Variants in KCNIP4 observed in about 807,000 individuals in gnomAD.
KCNIP4 encodes the protein Kv channel-interacting protein 4.
Under a neutral mutation model 34.0 loss-of-function variants are expected in KCNIP4, and 12 were observed. The observed-to-expected ratio is 0.35, with a 90% CI of 0.23 to 0.57. The LOEUF is 0.57. KCNIP4 is among the 20% of genes least tolerant of loss of function. The pLI is 0.83. For synonymous variants in KCNIP4, 124 were observed against 102.2 expected (o/e 1.21, Z -1.29); for missense variants, 238 against 311.7 (o/e 0.76, Z 1.78).
At chr4:21,816,848 C>T (rs1722019190) in intron 1 of KCNIP4, among the ~76,000 whole-genome samples, 1 of 152,156 alleles carries the variant, frequency 6.6e-6, no homozygotes. Context: ...GATCTTGGTT[C>T]TGTCACCACC....
At chr4:21,436,790 CGGCT>C in intron 1 of KCNIP4, among the ~76,000 whole-genome samples, 1 of 152,248 alleles carries the variant, frequency 6.6e-6, no homozygotes, top group East Asian at 1.9e-4. Flanking sequence ...CAATAAATGT[CGGCT>C]GGTTTACTAC....
intron 8 of KCNIP4, chr4:20,731,769 GT>G: frequency 1.0e-6 from 1 of 985,386 alleles, no homozygotes; most frequent in Non-Finnish European, 1.2e-6. Flanking sequence ...CACAGTACAT[GT>G]ACAACTTTTG....
chr4:21,248,876 G>A (rs1045365215), intron 1 of KCNIP4, among the ~76,000 whole-genome samples: 1 of 152,140 alleles, frequency 6.6e-6, no homozygotes, highest in South Asian at 2.1e-4. Context: ...CCTATTAAAT[G>A]GTTGAGAGTG....
intron 1 of KCNIP4, among the ~76,000 whole-genome samples, chr4:21,344,978 A>T (rs542585910): frequency 3.7e-4 from 56 of 152,246 alleles, no homozygotes; most frequent in Non-Finnish European, 4.3e-4. Context: ...TTAAAGATAC[A>T]TCCATACTGT....
chr4:21,644,646 G>T, intron 1 of KCNIP4, among the ~76,000 whole-genome samples: 1 of 152,134 alleles, frequency 6.6e-6, no homozygotes, highest in East Asian at 1.9e-4. Flanking sequence ...GGGCATCTCA[G>T]AGTCCGCTGG....
chr4:21,292,832 AC>A (rs939630606), intron 1 of KCNIP4, among the ~76,000 whole-genome samples: 12 of 152,128 alleles, frequency 7.9e-5, no homozygotes, highest in African/African-American at 2.9e-4. Context: ...CTTTGCTGCA[AC>A]TAAAGCCAAC....
At chr4:21,871,250 CCTCCCCG>C (rs1305422997) in intron 1 of KCNIP4, among the ~76,000 whole-genome samples, 1 of 119,072 alleles carries the variant, frequency 8.4e-6, no homozygotes, top group Non-Finnish European at 1.8e-5. Context: ...CCCCCTCCCC[CCTCCCCG>C]CTCCCCACCT....
intron 1 of KCNIP4, among the ~76,000 whole-genome samples, chr4:21,575,982 G>C (rs1004531499): frequency 5.9e-5 from 9 of 152,142 alleles, no homozygotes; most frequent in Non-Finnish European, 1.0e-4. Flanking sequence ...ACTTGGAAGA[G>C]AGCCATTCAT....
At chr4:20,794,158 C>G (rs1713143978) in intron 3 of KCNIP4, among the ~76,000 whole-genome samples, 1 of 152,170 alleles carries the variant, frequency 6.6e-6, no homozygotes, top group Admixed American at 6.5e-5. Flanking sequence ...CCCATTAAAC[C>G]TCTTTTTCTT....
intron 1 of KCNIP4, among the ~76,000 whole-genome samples, chr4:21,928,209 T>G (rs1729379040): frequency 6.6e-6 from 1 of 151,836 alleles, no homozygotes; most frequent in African/African-American, 2.4e-5. Flanking sequence ...GGATCAGTGA[T>G]GAATTAAAGA....
intron 1 of KCNIP4, among the ~76,000 whole-genome samples, chr4:21,412,361 T>C (rs993610148): frequency 1.3e-5 from 2 of 152,186 alleles, no homozygotes; most frequent in African/African-American, 4.8e-5. Context: ...TTTCTCCACA[T>C]TCTTCCTTCT....
chr4:20,906,504 C>CTA (rs1264205837), intron 1 of KCNIP4, among the ~76,000 whole-genome samples: 53 of 152,254 alleles, frequency 3.5e-4, no homozygotes, highest in African/African-American at 1.3e-3. Context: ...GCCAGGAACT[C>CTA]CACTAGACAT....
chr4:21,243,050 C>G (rs1425336), intron 1 of KCNIP4, among the ~76,000 whole-genome samples: 32,817 of 151,912 alleles, frequency 0.22, 6,034 homozygotes, highest in African/African-American at 0.5. Context: ...ATCAATATTT[C>G]TTATCACTAA....
rs372410223 is a variant in KCNIP4 at position 20,920,275 on chromosome 4, C to T, written c.62-37566G>A. On this transcript the variant is annotated intron_variant, in intron 1 of 8. Transcript: ENST00000382152. ...CTTGTAGGCTAAATGACTCACTGAA[C>T]AATTCCTGGACAGCCCTGCCGATAT... Among the ~76,000 whole-genome samples, 25 of 152,240 alleles carry T rather than the reference C, an allele frequency of 1.6e-4. No individual in the cohort carries two copies. In the South Asian group the frequency reaches 3.3e-3, roughly 20 times the overall value.
chr4:21,101,136 T>G (rs778303698), intron 1 of KCNIP4, among the ~76,000 whole-genome samples: 2 of 152,136 alleles, frequency 1.3e-5, no homozygotes, highest in Admixed American at 1.3e-4. Flanking sequence ...TACTGAAGTT[T>G]CCAGTGTGTA....
chr4:20,795,667 G>T (rs540381607), intron 3 of KCNIP4, among the ~76,000 whole-genome samples: 3 of 152,062 alleles, frequency 2.0e-5, no homozygotes, highest in African/African-American at 7.2e-5. Context: ...TTGGTACATT[G>T]TTGCCTACCA....
At chr4:21,272,769 T>C (rs1299737330) in intron 1 of KCNIP4, among the ~76,000 whole-genome samples, 1 of 145,958 alleles carries the variant, frequency 6.9e-6, no homozygotes, top group African/African-American at 2.5e-5. Context: ...CTGGTACATA[T>C]AAATATTTTA....
intron 1 of KCNIP4, among the ~76,000 whole-genome samples, chr4:21,130,009 T>C (rs1340213386): frequency 6.6e-6 from 1 of 152,148 alleles, no homozygotes; most frequent in Admixed American, 6.5e-5. Flanking sequence ...AAGTGGCAAG[T>C]GGCAATGTGA....
intron 1 of KCNIP4, among the ~76,000 whole-genome samples, chr4:21,054,038 TTGACAAAATGTAGATAC>T (rs1456239869): frequency 1.3e-5 from 2 of 152,128 alleles, no homozygotes; most frequent in African/African-American, 2.4e-5. Flanking sequence ...AATGTAGATA[TTGACAAAATGTAGATAC>T]TGACAAAATG....
Sources: gnomAD v4.1 joint callset for allele counts (sites outside exome capture counted in the v4.1 genomes callset) on GRCh38, gnomAD v4.1.1 for gene constraint, MANE v1.5 for transcripts, NCBI Gene and HGNC (gene_info 2026-07-23, HGNC 2026-07-21) for gene names.